The following KCNK2 variants were observed in gnomAD, a reference collection of about 807,000 sequenced individuals.
The protein encoded by KCNK2 is potassium two pore domain channel subfamily K member 2.
A neutral mutation model predicts 40.5 loss-of-function variants in KCNK2; 21 were observed. The observed-to-expected ratio is 0.52, with a 90% confidence interval of 0.37 to 0.75. The LOEUF is 0.75. KCNK2 is among the 30% of genes least tolerant of loss of function. KCNK2 has a pLI of 0.00. For synonymous variants in KCNK2, 191 were observed against 202.2 expected (o/e 0.94, Z 0.47); for missense variants, 399 against 531.6 (o/e 0.75, Z 2.45).
intron 5 of KCNK2, among the ~76,000 whole-genome samples, chr1:215,177,816 G>T (rs1664051898): frequency 6.9e-6 from 1 of 145,132 alleles, no homozygotes; most frequent in Non-Finnish European, 1.5e-5. Flanking sequence ...CGAGTAATGT[G>T]ATGTCTCCAG....
intron 3 of KCNK2, among the ~76,000 whole-genome samples, chr1:215,167,439 G>A (rs886743001): frequency 6.6e-6 from 1 of 151,870 alleles, no homozygotes; most frequent in Admixed American, 6.6e-5. Context: ...TAAGAGGTTT[G>A]CTGATCAAAA....
At chr1:215,222,915 T>C (rs1380184535) in intron 6 of KCNK2, among the ~76,000 whole-genome samples, 1 of 152,066 alleles carries the variant, frequency 6.6e-6, no homozygotes, top group Non-Finnish European at 1.5e-5. Context: ...CTAATTATTT[T>C]TACAAATTTA....
At chr1:215,063,670 C>T (rs1341656506) in intron 1 of KCNK2, among the ~76,000 whole-genome samples, 3 of 152,190 alleles carry the variant, frequency 2.0e-5, no homozygotes, top group Non-Finnish European at 2.9e-5. Context: ...ACTCCTCTCT[C>T]GCTCAGACTC....
At chr1:215,141,775 AT>A (rs1297144888) in intron 3 of KCNK2, among the ~76,000 whole-genome samples, 1 of 152,044 alleles carries the variant, frequency 6.6e-6, no homozygotes, top group African/African-American at 2.4e-5. Context: ...TTTATTAGTA[AT>A]CTATTTTCCA....
intron 3 of KCNK2, among the ~76,000 whole-genome samples, chr1:215,135,899 T>C (rs1661883336): frequency 6.6e-6 from 1 of 151,936 alleles, no homozygotes. Context: ...CATGCCCAGC[T>C]AATTTTTGTA....
At chr1:215,228,082 A>T (rs1666465933) in intron 6 of KCNK2, among the ~76,000 whole-genome samples, 1 of 152,192 alleles carries the variant, frequency 6.6e-6, no homozygotes, top group Admixed American at 6.5e-5. Flanking sequence ...TTCAGTAAAG[A>T]TTTGACCTAG....
intron 1 of KCNK2, among the ~76,000 whole-genome samples, chr1:215,048,234 T>C (rs1320286461): frequency 1.3e-5 from 2 of 152,208 alleles, no homozygotes; most frequent in African/African-American, 2.4e-5. Flanking sequence ...TTTTTTCTTT[T>C]ATCAATTGTG....
chr1:215,134,110 G>A (rs1164091904), intron 3 of KCNK2, among the ~76,000 whole-genome samples: 2 of 150,426 alleles, frequency 1.3e-5, no homozygotes, highest in Non-Finnish European at 3.0e-5. Context: ...GGGTGTAAAA[G>A]AAAAAAAAAA....
At chr1:215,176,310 T>A (rs935797473) in intron 5 of KCNK2, among the ~76,000 whole-genome samples, 5 of 152,152 alleles carry the variant, frequency 3.3e-5, no homozygotes, top group African/African-American at 1.2e-4. Flanking sequence ...TAAGTGTCTG[T>A]TCATGCCCTT....
intron 5 of KCNK2, among the ~76,000 whole-genome samples, chr1:215,178,213 G>T (rs942748534): frequency 2.6e-5 from 4 of 152,012 alleles, no homozygotes; most frequent in Non-Finnish European, 4.4e-5. Context: ...CATTGATTTT[G>T]TATCTTCAAA....
In KCNK2 at chr1:215,204,296, G is replaced by A. The variant is rs554374617; in HGVS notation, c.963+9204G>A. Among the ~76,000 whole-genome samples, 5 of 151,206 alleles carry A rather than the reference G, an allele frequency of 3.3e-5. No homozygotes were observed. The East Asian group carries it at 9.7e-4, about 29-fold the overall frequency. ...CTTCCTTTTTTTTAAATTTTAGGTTGAATTCTCAGTATAAATGGTAACTTT... is the reference window on the plus strand; with the variant it reads ...CTTCCTTTTTTTTAAATTTTAGGTTAAATTCTCAGTATAAATGGTAACTTT... On this transcript the variant is annotated intron_variant, in intron 6 of 6. Transcript: ENST00000444842.
intron 6 of KCNK2, among the ~76,000 whole-genome samples, chr1:215,232,060 A>G (rs1297326494): frequency 6.6e-6 from 1 of 152,232 alleles, no homozygotes; most frequent in African/African-American, 2.4e-5. Flanking sequence ...CAGCAAAGCC[A>G]TATCAATACT....
intron 2 of KCNK2, among the ~76,000 whole-genome samples, chr1:215,122,832 G>A (rs569654801): frequency 3.6e-5 from 5 of 140,694 alleles, no homozygotes; most frequent in Non-Finnish European, 6.0e-5. Flanking sequence ...TGCAAGCTCC[G>A]TCTCCGGGTT....
chr1:215,165,881 A>G (rs1481334871), intron 3 of KCNK2, among the ~76,000 whole-genome samples: 2 of 151,990 alleles, frequency 1.3e-5, no homozygotes, highest in Admixed American at 6.6e-5. Context: ...CCAAGGTCAC[A>G]TAACTAAGGA....
At chr1:215,145,706 C>T (rs906115145) in intron 3 of KCNK2, among the ~76,000 whole-genome samples, 22 of 152,152 alleles carry the variant, frequency 1.4e-4, no homozygotes, top group African/African-American at 5.3e-4. Flanking sequence ...AGGAATACAA[C>T]ATCAAATTAT....
intron 2 of KCNK2, among the ~76,000 whole-genome samples, chr1:215,111,136 C>T (rs960127537): frequency 4.6e-5 from 7 of 152,082 alleles, no homozygotes; most frequent in Non-Finnish European, 8.8e-5. Context: ...ATGCACTTAA[C>T]GTTTTCTGCA....
At chr1:215,217,396 A>G (rs1453131887) in intron 6 of KCNK2, among the ~76,000 whole-genome samples, 2 of 152,238 alleles carry the variant, frequency 1.3e-5, no homozygotes, top group Non-Finnish European at 2.9e-5. Flanking sequence ...TGATAAAGAT[A>G]TTATTAAACC....
chr1:215,108,615 G>C (rs1660542380), intron 2 of KCNK2, among the ~76,000 whole-genome samples: 1 of 151,850 alleles, frequency 6.6e-6, no homozygotes, highest in Non-Finnish European at 1.5e-5. Flanking sequence ...CTTTTCCCCT[G>C]TGTTTTCTTC....
chr1:215,064,993 T>G (rs1658488309), intron 1 of KCNK2, among the ~76,000 whole-genome samples: 1 of 152,206 alleles, frequency 6.6e-6, no homozygotes, highest in East Asian at 1.9e-4. Flanking sequence ...TTATTTGATT[T>G]GGGGAATCTT....
Sources: allele counts gnomAD v4.1 joint callset (sites outside exome capture counted in the v4.1 genomes callset), GRCh38; gene constraint gnomAD v4.1.1; transcripts MANE v1.5; gene names NCBI Gene and HGNC (gene_info 2026-07-23, HGNC 2026-07-21).